CDKL5: variants seen among roughly 807,000 people sequenced by gnomAD.
The protein encoded by CDKL5 is cyclin dependent kinase like 5, also known as cyclin-dependent kinase-like 5.
Under a neutral mutation model 61.7 loss-of-function variants are expected in CDKL5, and 8 were observed. The ratio of observed to expected loss-of-function variants is 0.13; its 90% confidence interval spans 0.08 to 0.23. The LOEUF (loss-of-function observed/expected upper bound fraction) is 0.23. CDKL5 is among the 10% of genes least tolerant of loss of function. The pLI, the probability that CDKL5 is intolerant of heterozygous loss-of-function variation, is 1.00. For missense variants in CDKL5, 440 were observed against 734.5 expected (o/e 0.60, Z 4.63); for synonymous variants, 275 against 272.3 (o/e 1.01, Z -0.10).
chrX:18,586,852 A>T (rs1925657628), intron 8 of CDKL5, among the ~76,000 whole-genome samples: 2 of 111,811 alleles, frequency 1.8e-5, no homozygotes, highest in African/African-American at 6.5e-5. Flanking sequence ...ATACGAAAGA[A>T]AGATCAGTAT....
chrX:18,650,771 G>C, intron 21 of CDKL5, among the ~76,000 whole-genome samples: 1 of 112,557 alleles, frequency 8.9e-6, no homozygotes, highest in Non-Finnish European at 1.9e-5. Context: ...GCAGGCCTGC[G>C]TCCAGCCAAT....
At chrX:18,598,312 T>C in intron 10 of CDKL5, 150 bp from the exon 11 acceptor site, 2 of 473,233 alleles carry the variant, frequency 4.2e-6, no homozygotes, top group Non-Finnish European at 3.7e-6. Context: ...GTGATTTAGA[T>C]AGTCTTTTTT....
intron 1 of CDKL5, among the ~76,000 whole-genome samples, chrX:18,505,004 C>G (rs1267707673): frequency 9.1e-6 from 1 of 109,389 alleles, no homozygotes; most frequent in Non-Finnish European, 1.9e-5. Flanking sequence ...TTTGTTTCTT[C>G]CTTTTAAAAC....
chrX:18,647,419 G>T, intron 20 of CDKL5: 2 of 1,035,218 alleles, frequency 1.9e-6, no homozygotes, highest in Non-Finnish European at 2.7e-6. Context: ...AAACCCATCT[G>T]CTTTGCGCTT....
intron 3 of CDKL5, among the ~76,000 whole-genome samples, chrX:18,561,300 A>G (rs1924796917): frequency 9.0e-6 from 1 of 111,404 alleles, no homozygotes; most frequent in Non-Finnish European, 1.9e-5. Context: ...GACTTGAAAA[A>G]TAGGACACTT....
chrX:18,474,338 C>A (rs1480700551), intron 1 of CDKL5, among the ~76,000 whole-genome samples: 1 of 111,060 alleles, frequency 9.0e-6, no homozygotes, highest in Non-Finnish European at 1.9e-5. Flanking sequence ...TTGATTATTT[C>A]CCCGAAAACC....
At chrX:18,626,666 CT>C in intron 17 of CDKL5, 1 of 13,703 alleles carries the variant, frequency 7.3e-5, no homozygotes, top group African/African-American at 2.8e-4. Context: ...GAAGCCCTCT[CT>C]CTCTCTCTCT....
At chrX:18,517,470 A>G (rs774761897) in intron 3 of CDKL5, among the ~76,000 whole-genome samples, 2 of 111,929 alleles carry the variant, frequency 1.8e-5, no homozygotes, top group African/African-American at 6.5e-5. Flanking sequence ...TATGGTAATC[A>G]TAAAAATATA....
intron 1 of CDKL5, among the ~76,000 whole-genome samples, chrX:18,493,310 C>G (rs186937932): frequency 8.5e-4 from 95 of 112,167 alleles, no homozygotes; most frequent in African/African-American, 3.0e-3. Flanking sequence ...GGGATCTTGT[C>G]TGTTTTCTTT....
chrX:18,433,364 C>A (rs902801135), intron 1 of CDKL5, among the ~76,000 whole-genome samples: 1 of 111,825 alleles, frequency 8.9e-6, no homozygotes, highest in Non-Finnish European at 1.9e-5. Flanking sequence ...ACCAGCCTGA[C>A]CAACATGGAG....
rs2147139512 is a variant in CDKL5 at position 18,575,343 on chromosome X, T to G, written c.146-11T>G. On this transcript the variant is annotated splice_polypyrimidine_tract_variant and intron_variant, in intron 4 of 17. Transcript: ENST00000623535. ...TTCATTTTAGTCTCTTCACCATTGT[T>G]TACATTCTAGAAAATGAAGAAGTCA... The G allele has an allele frequency of 8.3e-7, 1 of 1,204,784 alleles. No homozygotes were observed. The highest frequency in any genetic ancestry group is 1.1e-6 in the Non-Finnish European group (1 of 889,391).
intron 14 of CDKL5, among the ~76,000 whole-genome samples, chrX:18,611,439 CAA>C (rs1350028134): frequency 6.6e-4 from 26 of 39,282 alleles, no homozygotes; most frequent in Admixed American, 9.8e-4. Context: ...CGTCTCAAAA[CAA>C]AAAAAAAAAA....
At chrX:18,433,228 CAA>C (rs769632892) in intron 1 of CDKL5, among the ~76,000 whole-genome samples, 4 of 87,592 alleles carry the variant, frequency 4.6e-5, no homozygotes, top group Admixed American at 1.3e-4. Flanking sequence ...AACCCTGTCT[CAA>C]AAAAAAAAAA....
chrX:18,439,394 G>GGTGTGTGTGTGTGTGTGT (rs752724398), intron 1 of CDKL5, among the ~76,000 whole-genome samples: 17 of 101,911 alleles, frequency 1.7e-4, no homozygotes, highest in African/African-American at 5.7e-4. Flanking sequence ...TTCCATAATA[G>GGTGTGTGTGTGTGTGTGT]GTGTGTGTGT....
At chrX:18,651,753 G>A (rs751545045) in intron 21 of CDKL5, among the ~76,000 whole-genome samples, 5 of 111,963 alleles carry the variant, frequency 4.5e-5, no homozygotes, top group African/African-American at 9.8e-5. Flanking sequence ...TTCTTCTAAC[G>A]TGGAAAAATA....
intron 15 of CDKL5, among the ~76,000 whole-genome samples, chrX:18,618,507 C>CA (rs758251947): frequency 2.7e-5 from 3 of 111,953 alleles, no homozygotes; most frequent in African/African-American, 9.7e-5. Flanking sequence ...AATGCTGTGT[C>CA]TTGGAGTTTA....
intron 3 of CDKL5, among the ~76,000 whole-genome samples, chrX:18,533,110 A>T (rs958050110): frequency 8.9e-6 from 1 of 112,090 alleles, no homozygotes; most frequent in Non-Finnish European, 1.9e-5. Context: ...TAATTTTAAT[A>T]TACTAAATAA....
At chrX:18,452,450 G>T (rs1228108603) in intron 1 of CDKL5, among the ~76,000 whole-genome samples, 1 of 110,369 alleles carries the variant, frequency 9.1e-6, no homozygotes, top group African/African-American at 3.3e-5. Flanking sequence ...TTTTGAGACA[G>T]AGCCTTACTC....
At chrX:18,520,992 G>A (rs1017616756) in intron 3 of CDKL5, among the ~76,000 whole-genome samples, 1 of 112,235 alleles carries the variant, frequency 8.9e-6, no homozygotes, top group African/African-American at 3.2e-5. Flanking sequence ...ACCTACCTTG[G>A]CCTCCCAAAG....
Sources: gnomAD v4.1 joint callset for allele counts (sites outside exome capture counted in the v4.1 genomes callset) on GRCh38, gnomAD v4.1.1 for gene constraint, MANE v1.5 for transcripts, NCBI Gene and HGNC (gene_info 2026-07-23, HGNC 2026-07-21) for gene names.